The following LHFPL3 variants were observed in gnomAD, a reference collection of about 807,000 sequenced individuals.
LHFPL3 encodes the protein LHFPL tetraspan subfamily member 3 protein.
Under a neutral mutation model 19.3 loss-of-function variants are expected in LHFPL3, and 5 were observed. That is an observed-to-expected ratio of 0.26 (90% CI 0.14 to 0.54). The LOEUF is 0.54. Among genes scored for constraint, LHFPL3 ranks in the 20% least tolerant of loss-of-function variants. LHFPL3 has a pLI of 0.94. For synonymous variants in LHFPL3, 133 were observed against 126.2 expected, an observed-to-expected ratio of 1.05 and a Z score of -0.36; for missense variants, 249 against 307.4, an observed-to-expected ratio of 0.81 and a Z score of 1.42.
intron 2 of LHFPL3, chr7:104,800,174 T>C (rs1790216930): frequency 6.6e-6 from 1 of 152,256 alleles, no homozygotes; most frequent in African/African-American, 2.4e-5. Context: ...TTTAAAAAGC[T>C]ACCGCATCAA....
rs1037591029 is a variant in LHFPL3, at chr7:104,540,259, T to C, written c.446-196416T>C. Reference sequence around the variant, plus strand: ...GAAAGTAATAAAAAAAAAACTATAATGTTGAGCATGAGATATGGTATTGAA... The same window carrying C: ...GAAAGTAATAAAAAAAAAACTATAACGTTGAGCATGAGATATGGTATTGAA... On this transcript the variant is annotated intron_variant, in intron 1 of 2. Coordinates refer to ENST00000424859, the MANE Select transcript of LHFPL3 (RefSeq NM_199000.3). Among the ~76,000 whole-genome samples the C allele has an allele frequency of 3.3e-5, 5 of 152,126 alleles. No homozygotes were observed. The South Asian group carries it at 1.0e-3, about 32-fold the overall frequency.
rs376260697 is a variant in LHFPL3, at chr7:104,782,932, A to C, written c.682+46021A>C. Among the ~76,000 whole-genome samples, 66 of 152,378 alleles carry C rather than the reference A, an allele frequency of 4.3e-4. No homozygotes were observed. In the East Asian group the frequency reaches 7.9e-3, roughly 18 times the overall value. ...CATTTCCCACTTCCTGTGGATGAAC[A>C]CAAGTGCGCACGCGCGCACACACAC... On this transcript the variant is annotated intron_variant, in intron 2 of 2. Coordinates refer to ENST00000424859, the MANE Select transcript of LHFPL3 (RefSeq NM_199000.3).
chr7:104,532,639 T>C (rs1794323834), intron 1 of LHFPL3, among the ~76,000 whole-genome samples: 1 of 152,160 alleles, frequency 6.6e-6, no homozygotes, highest in South Asian at 2.1e-4. Context: ...ACCTCATTAC[T>C]CTCTGTGGAA....
At chr7:104,345,344 T>C (rs1251623959) in intron 1 of LHFPL3, among the ~76,000 whole-genome samples, 1 of 152,176 alleles carries the variant, frequency 6.6e-6, no homozygotes, top group Admixed American at 6.5e-5. Context: ...CATTCTTCTG[T>C]CCTATAGCAT....
intron 2 of LHFPL3, among the ~76,000 whole-genome samples, chr7:104,789,937 A>C (rs1371421552): frequency 1.3e-5 from 2 of 152,156 alleles, no homozygotes; most frequent in East Asian, 1.9e-4. Context: ...CTACTATACA[A>C]TGAGGGCACT....
At chr7:104,681,280 G>A (rs1269201279) in intron 1 of LHFPL3, among the ~76,000 whole-genome samples, 1 of 151,538 alleles carries the variant, frequency 6.6e-6, no homozygotes, top group Non-Finnish European at 1.5e-5. Flanking sequence ...GTATCCTTAG[G>A]CAACCTCTAG....
chr7:104,336,090 G>C (rs1562867711), intron 1 of LHFPL3, among the ~76,000 whole-genome samples: 1 of 152,060 alleles, frequency 6.6e-6, no homozygotes, highest in Non-Finnish European at 1.5e-5. Context: ...TGAACTTTGG[G>C]GGTCAGCACC....
At chr7:104,584,068 A>T (rs1438948004) in intron 1 of LHFPL3, among the ~76,000 whole-genome samples, 1 of 152,140 alleles carries the variant, frequency 6.6e-6, no homozygotes. Flanking sequence ...CAAATGTCCA[A>T]CAATGATAGA....
At chr7:104,824,616 ATATT>A (rs1790777232) in intron 2 of LHFPL3, among the ~76,000 whole-genome samples, 1 of 73,080 alleles carries the variant, frequency 1.4e-5, no homozygotes, top group East Asian at 8.2e-4. Flanking sequence ...ATAATTATAT[ATATT>A]ATTTTATATA....
At chr7:104,624,380 T>G (rs1036940241) in intron 1 of LHFPL3, among the ~76,000 whole-genome samples, 1 of 152,340 alleles carries the variant, frequency 6.6e-6, no homozygotes, top group South Asian at 2.1e-4. Flanking sequence ...ATCAGAAAGT[T>G]CCTCTAGAAT....
chr7:104,525,710 G>A (rs1015280249), intron 1 of LHFPL3, among the ~76,000 whole-genome samples: 9 of 151,382 alleles, frequency 5.9e-5, no homozygotes, highest in African/African-American at 2.2e-4. Context: ...GGGTTCAAGT[G>A]ATTCTCCTGC....
At chr7:104,594,891 G>C (rs1790809313) in intron 1 of LHFPL3, among the ~76,000 whole-genome samples, 1 of 151,926 alleles carries the variant, frequency 6.6e-6, no homozygotes, top group African/African-American at 2.4e-5. Flanking sequence ...GCTCCATCAG[G>C]TCATTTAAGG....
intron 1 of LHFPL3, among the ~76,000 whole-genome samples, chr7:104,449,390 G>T (rs1792388259): frequency 6.6e-6 from 1 of 152,154 alleles, no homozygotes; most frequent in South Asian, 2.1e-4. Context: ...TTGAGTACAG[G>T]TGTGGCAATC....
chr7:104,821,047 C>T (rs1562803354), intron 2 of LHFPL3, among the ~76,000 whole-genome samples: 2 of 152,184 alleles, frequency 1.3e-5, no homozygotes, highest in African/African-American at 4.8e-5. Flanking sequence ...CACGCCTGTA[C>T]TGCTAATTTA....
chr7:104,868,030 C>A (rs546259979), intron 2 of LHFPL3, among the ~76,000 whole-genome samples: 3 of 138,582 alleles, frequency 2.2e-5, no homozygotes, highest in Admixed American at 1.4e-4. Context: ...ATTCAACAAC[C>A]CTTCATGCTA....
At chr7:104,890,500 A>C (rs1231219437) in intron 2 of LHFPL3, among the ~76,000 whole-genome samples, 1 of 152,194 alleles carries the variant, frequency 6.6e-6, no homozygotes, top group Non-Finnish European at 1.5e-5. Context: ...TACTGTTTAC[A>C]TGCAGGGTCT....
chr7:104,696,864 G>C (rs1366958851), intron 1 of LHFPL3, among the ~76,000 whole-genome samples: 1 of 152,172 alleles, frequency 6.6e-6, no homozygotes, highest in Non-Finnish European at 1.5e-5. Flanking sequence ...GGGCTGCTTA[G>C]TCCATTTGGG....
chr7:104,377,553 A>G (rs1451198819), intron 1 of LHFPL3, among the ~76,000 whole-genome samples: 1 of 152,220 alleles, frequency 6.6e-6, no homozygotes, highest in Non-Finnish European at 1.5e-5. Flanking sequence ...AGGAAATGAC[A>G]GAGTCTTTTG....
intron 2 of LHFPL3, among the ~76,000 whole-genome samples, chr7:104,897,436 T>C (rs1157688873): frequency 6.6e-6 from 1 of 152,204 alleles, no homozygotes; most frequent in Non-Finnish European, 1.5e-5. Context: ...CCCATAAGGA[T>C]AATTAGGACC....
Sources: gnomAD v4.1 joint callset for allele counts (sites outside exome capture counted in the v4.1 genomes callset) on GRCh38, gnomAD v4.1.1 for gene constraint, MANE v1.5 for transcripts, NCBI Gene and HGNC (gene_info 2026-07-23, HGNC 2026-07-21) for gene names.